The following SDK1 variants were observed in gnomAD, a reference collection of about 807,000 sequenced individuals.
The protein encoded by SDK1 is protein sidekick-1.
In SDK1, 157 loss-of-function variants were observed where a neutral mutation model predicts 245.5. The observed-to-expected ratio is 0.64, with a 90% CI of 0.56 to 0.73. The LOEUF (loss-of-function observed/expected upper bound fraction) is 0.73. Ranked by LOEUF, SDK1 falls within the 30% of genes least tolerant of loss-of-function variation. The probability of loss-of-function intolerance (pLI) is 0.00; values close to 1 mark genes in which losing one functional copy is unlikely to be tolerated. For synonymous variants in SDK1, 1,647 were observed against 1,278.5 expected (o/e 1.29, Z -6.15); for missense variants, 3,583 against 3,002.3 (o/e 1.19, Z -4.52).
At chr7:3,773,842 T>C (rs1780472987) in intron 4 of SDK1, among the ~76,000 whole-genome samples, 1 of 152,226 alleles carries the variant, frequency 6.6e-6, no homozygotes, top group African/African-American at 2.4e-5. Flanking sequence ...TCCTCATATA[T>C]GCAGTTGCTT....
At chr7:3,903,706 T>C (rs559717053) in intron 5 of SDK1, among the ~76,000 whole-genome samples, 2 of 152,082 alleles carry the variant, frequency 1.3e-5, no homozygotes, top group East Asian at 3.9e-4. Flanking sequence ...TACTGCTATG[T>C]GGTATGTGAT....
At chr7:3,490,940 C>T (rs1406452020) in intron 1 of SDK1, among the ~76,000 whole-genome samples, 1 of 152,218 alleles carries the variant, frequency 6.6e-6, no homozygotes, top group Non-Finnish European at 1.5e-5. Flanking sequence ...GTTAGGCATT[C>T]ACTCTGTGTA....
intron 35 of SDK1, among the ~76,000 whole-genome samples, chr7:4,205,623 A>G (rs1367823687): frequency 1.3e-5 from 2 of 152,232 alleles, no homozygotes; most frequent in African/African-American, 4.8e-5. Flanking sequence ...GTATGCATTT[A>G]AGAACATCGT....
At chr7:4,048,064 A>G (rs1170564721) in intron 17 of SDK1, among the ~76,000 whole-genome samples, 2 of 152,140 alleles carry the variant, frequency 1.3e-5, no homozygotes, top group African/African-American at 2.4e-5. Flanking sequence ...GGGCTTGGCC[A>G]AGTTTATGTT....
intron 1 of SDK1, among the ~76,000 whole-genome samples, chr7:3,531,194 G>A (rs769010039): frequency 1.3e-5 from 2 of 152,168 alleles, no homozygotes; most frequent in East Asian, 3.9e-4. Flanking sequence ...TTGATCTTCA[G>A]TGTGGAACTT....
chr7:4,085,304 T>C (rs1781359047), intron 22 of SDK1, among the ~76,000 whole-genome samples: 1 of 152,178 alleles, frequency 6.6e-6, no homozygotes, highest in Non-Finnish European at 1.5e-5. Flanking sequence ...ATTTAAGTAT[T>C]TGTCCTTAAA....
At chr7:3,823,029 C>T (rs1040609972) in intron 5 of SDK1, among the ~76,000 whole-genome samples, 1 of 152,086 alleles carries the variant, frequency 6.6e-6, no homozygotes, top group African/African-American at 2.4e-5. Flanking sequence ...CTCTGCAGAA[C>T]GTAGACTTGG....
intron 4 of SDK1, among the ~76,000 whole-genome samples, chr7:3,755,777 T>G (rs1240651904): frequency 6.6e-6 from 1 of 152,208 alleles, no homozygotes; most frequent in Admixed American, 6.5e-5. Context: ...TGGAGCTTTT[T>G]GAACCTGAGT....
intron 14 of SDK1, among the ~76,000 whole-genome samples, chr7:4,005,193 A>G (rs1471001671): frequency 6.6e-6 from 1 of 151,504 alleles, no homozygotes; most frequent in East Asian, 1.9e-4. Context: ...ATACAGGTGC[A>G]TGACACCACG....
intron 14 of SDK1, among the ~76,000 whole-genome samples, chr7:4,002,881 A>T (rs1785179538): frequency 1.3e-5 from 2 of 152,206 alleles, no homozygotes; most frequent in South Asian, 4.1e-4. Flanking sequence ...ATGTGATGGG[A>T]GCCAAGAGCT....
At chr7:3,815,526 T>A in intron 4 of SDK1, among the ~76,000 whole-genome samples, 1 of 150,154 alleles carries the variant, frequency 6.7e-6, no homozygotes, top group African/African-American at 2.5e-5. Context: ...CAGTATTTTA[T>A]TGAGGATTTT....
intron 4 of SDK1, among the ~76,000 whole-genome samples, chr7:3,716,777 A>C (rs1276741108): frequency 2.6e-5 from 4 of 151,454 alleles, no homozygotes; most frequent in African/African-American, 9.8e-5. Context: ...AAAAGAAAAA[A>C]AAAAAAGAAA....
intron 1 of SDK1, among the ~76,000 whole-genome samples, chr7:3,404,192 T>A (rs909573212): frequency 2.6e-5 from 4 of 151,982 alleles, no homozygotes; most frequent in Non-Finnish European, 5.9e-5. Context: ...CTCCAAAATT[T>A]GTAATTTTAC....
chr7:3,403,593 A>G (rs1331837316), intron 1 of SDK1, among the ~76,000 whole-genome samples: 1 of 151,634 alleles, frequency 6.6e-6, no homozygotes, highest in Non-Finnish European at 1.5e-5. Flanking sequence ...TAATATCTAG[A>G]TATCTGAGTA....
At chr7:4,191,077 G>GT (rs1783178607) in intron 35 of SDK1, among the ~76,000 whole-genome samples, 1 of 152,192 alleles carries the variant, frequency 6.6e-6, no homozygotes, top group Non-Finnish European at 1.5e-5. Flanking sequence ...ACCCTTCAGG[G>GT]GATCCCTGTT....
intron 5 of SDK1, among the ~76,000 whole-genome samples, chr7:3,841,009 A>C (rs1252037374): frequency 6.6e-6 from 1 of 152,202 alleles, no homozygotes; most frequent in Non-Finnish European, 1.5e-5. Flanking sequence ...AAGAGGCCCC[A>C]CTTCATGAGA....
intron 4 of SDK1, among the ~76,000 whole-genome samples, chr7:3,664,104 G>T (rs1783451432): frequency 6.6e-6 from 1 of 151,944 alleles, no homozygotes; most frequent in Non-Finnish European, 1.5e-5. Flanking sequence ...ACACCTGTTG[G>T]AATTAGCCCA....
intron 29 of SDK1, among the ~76,000 whole-genome samples, chr7:4,147,732 A>G (rs994926253): frequency 2.6e-5 from 4 of 152,184 alleles, no homozygotes; most frequent in Non-Finnish European, 4.4e-5. Context: ...GAGCGCCCCT[A>G]TCCCCCTGCT....
intron 5 of SDK1, among the ~76,000 whole-genome samples, chr7:3,870,684 G>A (rs1231594521): frequency 2.0e-5 from 3 of 152,072 alleles, no homozygotes; most frequent in Admixed American, 6.5e-5. Flanking sequence ...CATTAACTTT[G>A]TATATAACCA....
Sources: allele counts gnomAD v4.1 joint callset (sites outside exome capture counted in the v4.1 genomes callset), GRCh38; gene constraint gnomAD v4.1.1; transcripts MANE v1.5; gene names NCBI Gene and HGNC (gene_info 2026-07-23, HGNC 2026-07-21).